The following TRPM3 variants were observed in gnomAD, a reference collection of about 807,000 sequenced individuals.
The protein encoded by TRPM3 is transient receptor potential cation channel subfamily M member 3.
In TRPM3, 77 loss-of-function variants were observed where a neutral mutation model predicts 181.2. That is an observed-to-expected ratio of 0.42 (90% confidence interval 0.35 to 0.51). The LOEUF (loss-of-function observed/expected upper bound fraction) is 0.51, where lower values mean the gene tolerates loss of function less well. Among genes scored for constraint, TRPM3 ranks in the 20% least tolerant of loss-of-function variants. The pLI is 0.01. For synonymous variants in TRPM3, 745 were observed against 796.4 expected, an observed-to-expected ratio of 0.94 and a Z score of 1.09; for missense variants, 1,759 against 2,196.7, an observed-to-expected ratio of 0.80 and a Z score of 3.98.
chr9:71,056,094 A>G (rs1203267345), intron 1 of TRPM3, among the ~76,000 whole-genome samples: 1 of 152,044 alleles, frequency 6.6e-6, no homozygotes, highest in Non-Finnish European at 1.5e-5. Context: ...TTTTCCAAGG[A>G]CATTCAAGTA....
At chr9:70,864,929 C>T (rs2095614301) in intron 1 of TRPM3, among the ~76,000 whole-genome samples, 1 of 150,854 alleles carries the variant, frequency 6.6e-6, no homozygotes, top group Admixed American at 6.7e-5. Context: ...ACAGCTGACA[C>T]TTCCATTAGA....
intron 24 of TRPM3, among the ~76,000 whole-genome samples, chr9:70,550,187 C>A (rs550814346): frequency 2.0e-5 from 3 of 152,282 alleles, no homozygotes; most frequent in East Asian, 3.9e-4. Context: ...GGCCAAGAAA[C>A]AAAAGAAGTC....
chr9:71,007,466 G>C (rs1391651682), intron 1 of TRPM3, among the ~76,000 whole-genome samples: 1 of 151,904 alleles, frequency 6.6e-6, no homozygotes, highest in Non-Finnish European at 1.5e-5. Flanking sequence ...CTGTATGTAA[G>C]GTCAGAAAAT....
intron 1 of TRPM3, among the ~76,000 whole-genome samples, chr9:71,091,115 A>G (rs1245981600): frequency 1.3e-5 from 2 of 152,156 alleles, no homozygotes; most frequent in African/African-American, 2.4e-5. Context: ...TTGATAAGGA[A>G]CAACTTGAGA....
intron 21 of TRPM3, among the ~76,000 whole-genome samples, chr9:70,593,128 A>G (rs901295701): frequency 8.5e-5 from 13 of 152,228 alleles, no homozygotes; most frequent in African/African-American, 3.1e-4. Flanking sequence ...TTTCAAGGCA[A>G]CTTCAAAATG....
intron 9 of TRPM3, among the ~76,000 whole-genome samples, chr9:70,646,830 A>C (rs1301101819): frequency 3.3e-5 from 5 of 151,142 alleles, no homozygotes; most frequent in Non-Finnish European, 7.4e-5. Flanking sequence ...AATAAACACA[A>C]TCAGAAATGA....
chr9:71,117,419 T>C (rs919604446), intron 1 of TRPM3, among the ~76,000 whole-genome samples: 1 of 152,196 alleles, frequency 6.6e-6, no homozygotes, highest in African/African-American at 2.4e-5. Context: ...ACCAACCTAA[T>C]ATGATTTAAA....
Position 70,784,244 on chromosome 9 carries a change from C to G in TRPM3, c.1009G>C (p.Val337Leu), listed in dbSNP as rs2083090227. 1 of 1,612,866 alleles carries G rather than the reference C, an allele frequency of 6.2e-7. No individual in the cohort carries two copies. Among genetic ancestry groups the G allele is most frequent in the Non-Finnish European group, 8.5e-7 (1 of 1,179,288 alleles). Residue 337 changes from valine (V) to leucine (L), a missense_variant, in exon 7 of 26, where the codon GTG becomes CTG. Physicochemically the swap from Val to Leu is conservative, Grantham distance 32. Coordinates refer to ENST00000677713, the MANE Select transcript of TRPM3 (RefSeq NM_001366145.2). Reference sequence around the variant, plus strand: ...GAGATCACATTGGGTCCTCCTTCCACTATGAGTGCCACCACAGGAACACCT... The same window carrying G: ...GAGATCACATTGGGTCCTCCTTCCAGTATGAGTGCCACCACAGGAACACCT... ...GQGVPVVALIVEGGPNVISIV... is the reference protein window; with the variant it reads ...GQGVPVVALILEGGPNVISIV...
At position 71,391,210 on chromosome 9, in the gene TRPM3, T is replaced by G. The variant is rs2093054595; in HGVS notation, c.183+55443A>C. 2.0e-5 allele frequency among the ~76,000 whole-genome samples: 3 copies of G among 152,146 alleles called. No homozygotes were observed. In the South Asian group the frequency reaches 6.2e-4, roughly 31 times the overall value. ...TCCTTGAAATCTTTTACATGTTCTC[T>G]TATTTGATCCTTCCAACAAGCTTGT... On this transcript the variant is annotated intron_variant, in intron 1 of 24. Transcript: ENST00000357533.
rs1225681288 is a variant in TRPM3 at position 70,549,664 on chromosome 9, T to C, written c.3585A>G (p.Ile1195Met). 1 of 1,602,320 alleles carries C rather than the reference T, an allele frequency of 6.2e-7. No homozygotes were observed. The highest frequency in any genetic ancestry group is 8.5e-7 in the Non-Finnish European group (1 of 1,177,840). Residue 1195 changes from isoleucine (I) to methionine (M), a missense_variant, in exon 25 of 26, where the codon ATA (isoleucine) becomes ATG (methionine). Physicochemically the swap from Ile to Met is conservative, Grantham distance 10. This residue lies in a region of TRPM3 where 96 missense variants were observed against 129.6 expected (regional missense o/e 0.74). Coordinates refer to ENST00000677713, the MANE Select transcript of TRPM3 (RefSeq NM_001366145.2). ...DERDYGLKLF[I>M]TDDELKKVHD... ...GTACTTTCTTGAGCTCATCATCGGT[T>C]ATGAAGAGTTCTGTGGAAAAAAAAA...
At chr9:70,665,536 C>T (rs1306125511) in intron 9 of TRPM3, among the ~76,000 whole-genome samples, 1 of 152,124 alleles carries the variant, frequency 6.6e-6, no homozygotes, top group African/African-American at 2.4e-5. Flanking sequence ...CTTTATTGTG[C>T]CCTCTGCCAT....
At chr9:71,121,134 T>C in intron 1 of TRPM3, 44 bp downstream of exon 1, 1 of 1,583,186 alleles carries the variant, frequency 6.3e-7, no homozygotes, top group Non-Finnish European at 8.6e-7. Flanking sequence ...TATTTAAATC[T>C]AAAAAGCACA....
chr9:70,561,187 T>G (rs2048976534), intron 22 of TRPM3, among the ~76,000 whole-genome samples: 1 of 152,198 alleles, frequency 6.6e-6, no homozygotes, highest in Non-Finnish European at 1.5e-5. Flanking sequence ...CATCTAAAAA[T>G]CCATCTTGAA....
intron 1 of TRPM3, among the ~76,000 whole-genome samples, chr9:71,275,685 G>T (rs1303073485): frequency 1.3e-5 from 2 of 152,156 alleles, no homozygotes; most frequent in Admixed American, 6.5e-5. Flanking sequence ...CCATATTATT[G>T]AAGATAGATA....
chr9:71,282,386 AGGAAAGAAAGAAAG>A (rs1283178685), intron 1 of TRPM3, among the ~76,000 whole-genome samples: 1 of 87,162 alleles, frequency 1.1e-5, no homozygotes, highest in Non-Finnish European at 2.4e-5. Context: ...AAAGAAAGAA[AGGAAAGAAAGAAAG>A]GAAAAGAAAG....
chr9:70,694,774 C>A (rs1412515231), intron 8 of TRPM3, among the ~76,000 whole-genome samples: 2 of 152,208 alleles, frequency 1.3e-5, no homozygotes, highest in African/African-American at 2.4e-5. Context: ...GCCACCATGC[C>A]ATTTGCTGTT....
At chr9:71,317,609 C>G (rs1018422752) in intron 1 of TRPM3, among the ~76,000 whole-genome samples, 3 of 150,898 alleles carry the variant, frequency 2.0e-5, no homozygotes, top group Non-Finnish European at 4.4e-5. Context: ...CCACTACACT[C>G]CAACCTGGAT....
intron 1 of TRPM3, among the ~76,000 whole-genome samples, chr9:71,160,836 T>C (rs1310284899): frequency 6.6e-6 from 1 of 152,196 alleles, no homozygotes; most frequent in Non-Finnish European, 1.5e-5. Flanking sequence ...ACTTCTAAGG[T>C]TCCCAATTAT....
At chr9:70,698,546 G>A (rs550924588) in intron 8 of TRPM3, among the ~76,000 whole-genome samples, 72 of 152,252 alleles carry the variant, frequency 4.7e-4, no homozygotes, top group African/African-American at 1.6e-3. Flanking sequence ...CAGTAAAAGC[G>A]GGTGAGTTTT....
Sources: gnomAD v4.1 joint callset for allele counts (sites outside exome capture counted in the v4.1 genomes callset) on GRCh38, gnomAD v4.1.1 for gene constraint, gnomAD v4.1.1 regional missense constraint, MANE v1.5 for transcripts, NCBI Gene and HGNC (gene_info 2026-07-23, HGNC 2026-07-21) for gene names.